GJC1: variants seen among roughly 807,000 people sequenced by gnomAD.
GJC1 encodes the protein gap junction protein gamma 1, also known as gap junction gamma-1 protein.
A neutral mutation model predicts 29.3 loss-of-function variants in GJC1; 5 were observed. The observed-to-expected ratio is 0.17, with a 90% confidence interval of 0.09 to 0.36. GJC1 has a LOEUF of 0.36. GJC1 is among the 10% of genes least tolerant of loss of function. The pLI, the probability that GJC1 is intolerant of heterozygous loss-of-function variation, is 1.00. For missense variants in GJC1, 310 were observed against 496.2 expected (o/e 0.62, Z 3.56); for synonymous variants, 177 against 183.3 (o/e 0.97, Z 0.28).
rs2049887840 is a variant in GJC1 at position 44,804,446 on chromosome 17, C to T, written c.*181G>A. 4 of 580,544 alleles carry T rather than the reference C, an allele frequency of 6.9e-6. No homozygotes were observed. In the South Asian group the frequency reaches 7.0e-5, roughly 10 times the overall value. The allele number at this position is 580,544 out of a possible 1,614,324, so 36.0% of individuals were successfully genotyped here. A position where few individuals can be genotyped will look rare whatever the true frequency, so the allele number is the denominator to read the frequency against. ...TGCTAAGAACATGTGCCTGGGAACA[C>T]TGTGTTTCCCTTTCTCTCCCTCAGC... On this transcript the variant is annotated 3_prime_UTR_variant, in exon 3 of 3. Transcript: ENST00000592524.
chr17:44,796,617 T>A (rs1227928929), downstream of GJC1, among the ~76,000 whole-genome samples: 2 of 152,228 alleles, frequency 1.3e-5, no homozygotes, highest in Admixed American at 6.5e-5. Flanking sequence ...TACATAAGAA[T>A]CACCAGGTAA....
Position 44,805,732 on chromosome 17 carries a change from A to G in GJC1, c.86T>C (p.Ile29Thr), listed in dbSNP as rs755121862. ...FVGKIWLTVLIVFRIVLTAVG... is the reference protein window; with the variant it reads ...FVGKIWLTVLTVFRIVLTAVG... Reference sequence around the variant, plus strand: ...AGCTGTAAGGACGATCCGGAAGACAATCAGAACAGTGAGCCAGATCTTCCC... The same window carrying G: ...AGCTGTAAGGACGATCCGGAAGACAGTCAGAACAGTGAGCCAGATCTTCCC... The change falls in exon 3 of 3, where the codon ATT (isoleucine) becomes ACT (threonine). Residue 29 changes from isoleucine to threonine, a missense_variant. Ile to Thr is a moderately conservative substitution (Grantham distance 89). Transcript: ENST00000592524. The surrounding 1 kb of genome is among the most constrained non-coding windows in gnomAD (Gnocchi z 5.1). 1.9e-6 allele frequency: 3 copies of G among 1,614,080 alleles called. No homozygotes were observed. The African/African-American group carries it at 4.0e-5, about 22-fold the overall frequency.
chr17:44,828,411 G>A (rs1436870702), intron 1 of GJC1, among the ~76,000 whole-genome samples: 6 of 152,196 alleles, frequency 3.9e-5, no homozygotes, highest in Non-Finnish European at 7.3e-5. Flanking sequence ...TTTTGAAGAG[G>A]TTGTTTGAAA....
intron 1 of GJC1, among the ~76,000 whole-genome samples, chr17:44,824,920 A>G (rs943393522): frequency 6.6e-5 from 10 of 150,874 alleles, no homozygotes; most frequent in Admixed American, 5.3e-4. Context: ...GGGAAGAAAA[A>G]AAAAAAAAAA....
In GJC1 at chr17:44,821,002, T is replaced by C. The variant is rs997039841; in HGVS notation, c.-97+9060A>G. ...TTTGAAAAACCTAAAATATAATTTG[T>C]GGCGAATCAAATTATAAAATCTCAT... is the stretch of plus-strand genomic sequence containing the variant. On this transcript the variant is annotated intron_variant, in intron 1 of 2. Transcript: ENST00000592524. Among the ~76,000 whole-genome samples the C allele has an allele frequency of 3.3e-5, 5 of 152,360 alleles. No individual in the cohort carries two copies. In the East Asian group the frequency reaches 9.6e-4, roughly 29 times the overall value.
intron 1 of GJC1, among the ~76,000 whole-genome samples, chr17:44,811,083 C>T (rs1037339204): frequency 6.9e-6 from 1 of 144,110 alleles, no homozygotes; most frequent in Non-Finnish European, 1.5e-5. Context: ...TAATTTCTTT[C>T]TTTTTTTTTT....
intron 2 of GJC1, among the ~76,000 whole-genome samples, chr17:44,806,295 C>A (rs555856782): frequency 2.2e-4 from 33 of 152,106 alleles, no homozygotes; most frequent in African/African-American, 7.7e-4. Flanking sequence ...GTTGGCCCCA[C>A]AAGGTCCCAG....
rs1197255210 is a variant in GJC1 at position 44,801,282 on chromosome 17, C to T, written c.*3345G>A. On this transcript the variant is annotated 3_prime_UTR_variant, in exon 3 of 3. Coordinates refer to ENST00000592524, the MANE Select transcript of GJC1 (RefSeq NM_005497.4). ...CTGAGCGACAAGAGCAAGACTCTGT[C>T]TTAAGAAAAAAAAGAGCAAAGGACA... 1 of 151,896 alleles carries T rather than the reference C, an allele frequency of 6.6e-6. No homozygotes were observed. Among genetic ancestry groups the T allele is most frequent in the Non-Finnish European group, 1.5e-5 (1 of 67,990 alleles). The allele number at this position is 151,896 out of a possible 1,614,324, so 9.4% of individuals were successfully genotyped here.
chr17:44,805,230 A>G lies in GJC1; in HGVS notation c.588T>C (p.Tyr196=). ...VFEVGFLIGQ[Y]FLYGFQVHPF... ...GGTGGACTTGGAAGCCATACAGAAA[A>G]TACTGCCCTATCAGAAAACCCACCT... is the stretch of plus-strand genomic sequence containing the variant. Residue 196 remains tyrosine (Y), a synonymous_variant, in exon 3 of 3, where the codon TAT becomes TAC. Coordinates refer to ENST00000592524, the MANE Select transcript of GJC1 (RefSeq NM_005497.4). This position sits in a 1 kb window ranked among gnomAD's most constrained non-coding sequence, Gnocchi z 5.1. The G allele has an allele frequency of 6.2e-7, 1 of 1,614,120 alleles. No individual in the cohort carries two copies.
In GJC1 at chr17:44,804,692, C is replaced by G. The variant is rs1264951438; in HGVS notation, c.1126G>C (p.Ala376Pro). The G allele has an allele frequency of 3.7e-6, 6 of 1,614,070 alleles. No homozygotes were observed. The highest frequency in any genetic ancestry group is 1.7e-5 in the Admixed American group (1 of 59,988). Residue 376 changes from alanine to proline, a missense_variant, in exon 3 of 3, where the codon GCT becomes CCT. By Grantham distance (27) the Ala-to-Pro change is conservative (BLOSUM62 -1). Transcript: ENST00000592524. ...CTGGCAGTGCTTTTGTTGGACCCAG[C>G]TTTGGACCCCACTTTGGCCTTCTTC... Reference protein sequence around the residue: ...REKKAKVGSKAGSNKSTASSK... With the variant: ...REKKAKVGSKPGSNKSTASSK...
upstream of GJC1, chr17:44,830,671 G>T (rs1319213085): frequency 2.5e-6 from 1 of 398,560 alleles, no homozygotes; most frequent in Non-Finnish European, 4.4e-6. This position sits in a 1 kb window ranked among gnomAD's most constrained non-coding sequence, Gnocchi z 4.3. Flanking sequence ...CGGGCCCAGA[G>T]TTGTCTTCTG....
At chr17:44,806,812 A>G (rs910394684) in intron 2 of GJC1, among the ~76,000 whole-genome samples, 2 of 152,202 alleles carry the variant, frequency 1.3e-5, no homozygotes, top group Non-Finnish European at 2.9e-5. Context: ...CACTGAGAAC[A>G]TAAAGGGGAC....
At chr17:44,809,996 C>G (rs1425519089) in intron 1 of GJC1, among the ~76,000 whole-genome samples, 1 of 151,738 alleles carries the variant, frequency 6.6e-6, no homozygotes, top group Non-Finnish European at 1.5e-5. Context: ...GCAGCTGGGA[C>G]AACAGGCACC....
Position 44,805,104 on chromosome 17 carries a change from A to G in GJC1, c.714T>C (p.Val238=). 1 of 1,614,142 alleles carries G rather than the reference A, an allele frequency of 6.2e-7. No homozygotes were observed. Among genetic ancestry groups the G allele is most frequent in the South Asian group, 1.1e-5 (1 of 91,084 alleles). Residue 238 remains valine (V), a synonymous_variant, in exon 3 of 3, where the codon GTT becomes GTC. Transcript: ENST00000592524. This position sits in a 1 kb window ranked among gnomAD's most constrained non-coding sequence, Gnocchi z 5.1. The part of the protein sequence containing the change: ...KTIFLLIMYG[V]TGLCLLLNIW... ...TGTTAAGCAAGAGGCAAAGGCCTGTAACACCATACATTATCAGAAGGAAGA... is the reference window on the plus strand; with the variant it reads ...TGTTAAGCAAGAGGCAAAGGCCTGTGACACCATACATTATCAGAAGGAAGA...
intron 2 of GJC1, among the ~76,000 whole-genome samples, chr17:44,806,141 T>A (rs57325211): frequency 2.6e-5 from 4 of 152,018 alleles, no homozygotes; most frequent in Admixed American, 1.3e-4. Context: ...GGCACGGTGG[T>A]GTGCACCTGT....
chr17:44,815,957 C>CA (rs1555558911), intron 1 of GJC1, among the ~76,000 whole-genome samples: 3 of 151,284 alleles, frequency 2.0e-5, no homozygotes, highest in Non-Finnish European at 4.4e-5. Flanking sequence ...ACTAAAAATA[C>CA]AAAAAATTAG....
intron 1 of GJC1, among the ~76,000 whole-genome samples, chr17:44,823,021 T>G (rs2050129742): frequency 6.6e-6 from 1 of 152,126 alleles, no homozygotes; most frequent in South Asian, 2.1e-4. Context: ...CAGCTCTAAT[T>G]TGAACGTTCC....
At chr17:44,815,738 T>C (rs558837978) in intron 1 of GJC1, among the ~76,000 whole-genome samples, 1 of 152,238 alleles carries the variant, frequency 6.6e-6, no homozygotes, top group South Asian at 2.1e-4. Context: ...TGACATTTAA[T>C]ATAAACATCT....
intron 1 of GJC1, among the ~76,000 whole-genome samples, chr17:44,826,798 T>A (rs968465634): frequency 6.6e-6 from 1 of 152,214 alleles, no homozygotes; most frequent in Non-Finnish European, 1.5e-5. Flanking sequence ...AAATTATTTG[T>A]ATTTAAATCT....
Sources: gnomAD v4.1 joint callset for allele counts (sites outside exome capture counted in the v4.1 genomes callset) on GRCh38, gnomAD v4.1.1 for gene constraint, Gnocchi (gnomAD v3.1) non-coding constraint, MANE v1.5 for transcripts, NCBI Gene and HGNC (gene_info 2026-07-23, HGNC 2026-07-21) for gene names.